Variants in RNF19A observed in about 807,000 individuals in gnomAD.
RNF19A encodes ring finger protein 19A, RBR E3 ubiquitin protein ligase.
RNF19A carries 32 observed loss-of-function variants against 75.7 expected under a neutral mutation model. The observed-to-expected ratio is 0.42, with a 90% CI of 0.32 to 0.57. The LOEUF (loss-of-function observed/expected upper bound fraction) is 0.57. Among genes scored for constraint, RNF19A ranks in the 20% least tolerant of loss-of-function variants. The pLI, the probability that RNF19A is intolerant of heterozygous loss-of-function variation, is 0.10. For missense variants in RNF19A, 782 were observed against 1,036.3 expected (o/e 0.75, Z 3.37); for synonymous variants, 335 against 345.2 (o/e 0.97, Z 0.33).
chr8:100,331,548 G>A lies in RNF19A; in HGVS notation c.-243+4560C>T, dbSNP rs2130411657. On this transcript the variant is annotated intron_variant, in intron 1 of 3. Transcript: ENST00000519527. This position sits in a 1 kb window ranked among gnomAD's most constrained non-coding sequence, Gnocchi z 5.2. ...GCTACTCGGGAGGCTGAGGCAGGAG[G>A]ATTGCTTGAGCCCAGGATGTCAAAG... Among the ~76,000 whole-genome samples the A allele has an allele frequency of 6.6e-6, 1 of 152,220 alleles. No homozygotes were observed.
chr8:100,295,588 T>C (rs1389135249), intron 1 of RNF19A, among the ~76,000 whole-genome samples: 1 of 152,200 alleles, frequency 6.6e-6, no homozygotes, highest in Admixed American at 6.5e-5. Context: ...ATATCTGTCT[T>C]TGTGCAGCAT....
rs192350099 is a variant in RNF19A, at chr8:100,329,067, A to T, written c.-243+7041T>A. Among the ~76,000 whole-genome samples the T allele has an allele frequency of 6.6e-6, 1 of 152,246 alleles. No homozygotes were observed. Among genetic ancestry groups the T allele is most frequent in the East Asian group, 1.9e-4 (1 of 5,176 alleles). Reference sequence around the variant, plus strand: ...TGTGACTAATTCCAGGTGCCTCCAGATCTGTCCTGGCTGCTACCCTTTAAT... The same window carrying T: ...TGTGACTAATTCCAGGTGCCTCCAGTTCTGTCCTGGCTGCTACCCTTTAAT... On this transcript the variant is annotated intron_variant, in intron 1 of 3. Coordinates refer to the RNF19A transcript ENST00000519527. The surrounding 1 kb of genome is among the most constrained non-coding windows in gnomAD (Gnocchi z 4.3).
At position 100,264,666 on chromosome 8, in the gene RNF19A, C is replaced by T; in HGVS notation, c.1306+5G>A. On this transcript the variant is annotated splice_donor_5th_base_variant and intron_variant, in intron 6 of 9. Transcript: ENST00000341084. The surrounding 1 kb of genome is among the most constrained non-coding windows in gnomAD (Gnocchi z 4.7). ...GGTAATTAGTACTTTTCAGCATTTT[C>T]TTACCTACAGTCACTGCAGCTACTA... 1 of 1,578,402 alleles carries T rather than the reference C, an allele frequency of 6.3e-7. No homozygotes were observed. Among genetic ancestry groups the T allele is most frequent in the Non-Finnish European group, 8.7e-7 (1 of 1,152,002 alleles).
chr8:100,300,295 C>G (rs1423595591), intron 1 of RNF19A, among the ~76,000 whole-genome samples: 1 of 152,172 alleles, frequency 6.6e-6, no homozygotes, highest in Non-Finnish European at 1.5e-5. Context: ...AATAATTACA[C>G]AGCAGGTAAA....
chr8:100,305,945 A>T (rs1029014127), intron 1 of RNF19A, among the ~76,000 whole-genome samples: 1 of 152,218 alleles, frequency 6.6e-6, no homozygotes, highest in African/African-American at 2.4e-5. Flanking sequence ...TACAATATTT[A>T]TATTAATACG....
chr8:100,335,918 A>G (rs1822676304), intron 1 of RNF19A, among the ~76,000 whole-genome samples: 1 of 152,218 alleles, frequency 6.6e-6, no homozygotes. Flanking sequence ...CAAAGCAGCT[A>G]TCCTATAGGT....
chr8:100,285,250 T>A (rs1410539387), intron 2 of RNF19A, among the ~76,000 whole-genome samples: 1 of 152,196 alleles, frequency 6.6e-6, no homozygotes, highest in Admixed American at 6.5e-5. Context: ...TTTCTTTTAA[T>A]TTTTTCCTTT....
At chr8:100,263,023 CAAGTT>C (rs1165113511) in intron 7 of RNF19A, among the ~76,000 whole-genome samples, 4 of 152,220 alleles carry the variant, frequency 2.6e-5, no homozygotes, top group Admixed American at 6.5e-5. Flanking sequence ...TGGCTGTAGA[CAAGTT>C]AAGCTTGAAA....
Position 100,334,640 on chromosome 8 carries a change from T to C in RNF19A, c.-243+1468A>G, listed in dbSNP as rs527450225. Among the ~76,000 whole-genome samples the C allele has an allele frequency of 8.5e-5, 13 of 152,298 alleles. 1 individual carries two copies. In the East Asian group the frequency reaches 1.5e-3, roughly 18 times the overall value. The stretch of plus-strand genomic sequence containing the variant: ...TTATTGGTCTAAGATGGGACCAGCA[T>C]TGGTATGTTTTCTAAAGCTCCCTTG... On this transcript the variant is annotated intron_variant, in intron 1 of 3. Coordinates refer to the RNF19A transcript ENST00000519527.
intron 1 of RNF19A, among the ~76,000 whole-genome samples, chr8:100,296,109 CT>C (rs1484265540): frequency 1.3e-5 from 2 of 151,722 alleles, no homozygotes; most frequent in Admixed American, 1.3e-4. Context: ...TCTTTTTTTC[CT>C]TTTTTTCTTT....
At position 100,278,198 on chromosome 8, in the gene RNF19A, T is replaced by C. The variant is rs1399772262; in HGVS notation, c.675-3037A>G. ...AATCTTTGGCTTTGGCCTTGGCCTT[T>C]AGAATGCCAAATAAGCACATGGCTG... On this transcript the variant is annotated intron_variant, in intron 2 of 9. Transcript: ENST00000341084. 4.6e-5 allele frequency among the ~76,000 whole-genome samples: 7 copies of C among 152,292 alleles called. No homozygotes were observed. In the East Asian group the frequency reaches 9.6e-4, roughly 21 times the overall value.
At chr8:100,297,600 T>C (rs1386578696) in intron 1 of RNF19A, among the ~76,000 whole-genome samples, 1 of 152,210 alleles carries the variant, frequency 6.6e-6, no homozygotes, top group African/African-American at 2.4e-5. Context: ...CAAGCTCTCT[T>C]TCTCTTCACA....
At chr8:100,294,862 T>C (rs1007070854) in intron 1 of RNF19A, among the ~76,000 whole-genome samples, 8 of 152,172 alleles carry the variant, frequency 5.3e-5, no homozygotes, top group African/African-American at 1.7e-4. Context: ...CTTTAAAAGA[T>C]TTTCTTGCAT....
rs776024031 is a variant in RNF19A, at chr8:100,259,087, C to T, written c.1986G>A (p.Lys662=). ...GLPEGKSSAT[K]WSKEATAGKK... ...TCCCTGCTGTTGCTTCTTTGGACCACTTGGTGGCACTAGATTTACCTTCAG... is the reference window on the plus strand; with the variant it reads ...TCCCTGCTGTTGCTTCTTTGGACCATTTGGTGGCACTAGATTTACCTTCAG... The change falls in exon 10 of 10, where the codon AAG becomes AAA. Residue 662 remains lysine, a synonymous_variant. Coordinates refer to ENST00000341084, the MANE Select transcript of RNF19A (RefSeq NM_183419.4). This position sits in a 1 kb window ranked among gnomAD's most constrained non-coding sequence, Gnocchi z 4.5. 3 of 1,614,132 alleles carry T rather than the reference C, an allele frequency of 1.9e-6. No homozygotes were observed. In the Admixed American group the frequency reaches 5.0e-5, roughly 27 times the overall value.
Position 100,287,223 on chromosome 8 carries a change from A to G in RNF19A, c.674+278T>C, listed in dbSNP as rs1249986737. ...ATAAAAATTCTCCAAATGGATGAGA[A>G]AACCAATTTTGTATACAACTAGATC... On this transcript the variant is annotated intron_variant, in intron 2 of 9. Coordinates refer to ENST00000341084, the MANE Select transcript of RNF19A (RefSeq NM_183419.4). The surrounding 1 kb of genome is among the most constrained non-coding windows in gnomAD (Gnocchi z 4.1). 6.6e-6 allele frequency among the ~76,000 whole-genome samples: 1 copy of G among 152,222 alleles called. No individual in the cohort carries two copies. Among genetic ancestry groups the G allele is most frequent in the African/African-American group, 2.4e-5 (1 of 41,460 alleles).
At chr8:100,316,243 C>A (rs186569066) in intron 1 of RNF19A, among the ~76,000 whole-genome samples, 19 of 152,146 alleles carry the variant, frequency 1.2e-4, no homozygotes, top group Admixed American at 3.3e-4. Context: ...CAGACCTTCG[C>A]GGTGAGTGTT....
chr8:100,282,468 G>A (rs1373814949), intron 2 of RNF19A, among the ~76,000 whole-genome samples: 1 of 152,084 alleles, frequency 6.6e-6, no homozygotes, highest in Non-Finnish European at 1.5e-5. Context: ...TGGTTAGGAA[G>A]AATAAATTAA....
intron 1 of RNF19A, among the ~76,000 whole-genome samples, chr8:100,328,137 A>C (rs567224023): frequency 1.1e-4 from 16 of 152,090 alleles, no homozygotes; most frequent in African/African-American, 3.9e-4. Flanking sequence ...CACTCCTCAC[A>C]CAATGCACCT....
chr8:100,335,710 T>TAAAA (rs1563878947), intron 1 of RNF19A, among the ~76,000 whole-genome samples: 2 of 152,170 alleles, frequency 1.3e-5, no homozygotes, highest in Non-Finnish European at 2.9e-5. Context: ...TGGGGCTTTT[T>TAAAA]ATGGTTTGAA....
Sources: gnomAD v4.1 joint callset for allele counts (sites outside exome capture counted in the v4.1 genomes callset) on GRCh38, gnomAD v4.1.1 for gene constraint, Gnocchi (gnomAD v3.1) non-coding constraint, MANE v1.5 for transcripts, NCBI Gene and HGNC (gene_info 2026-07-23, HGNC 2026-07-21) for gene names.